Variants in STK3 observed in about 807,000 individuals in gnomAD.
STK3 encodes serine/threonine-protein kinase 3.
Under a neutral mutation model 58.0 loss-of-function variants are expected in STK3, and 41 were observed. The observed-to-expected ratio is 0.71, with a 90% CI of 0.55 to 0.92. STK3 has a LOEUF of 0.92. Among genes scored for constraint, STK3 ranks in the 40% least tolerant of loss-of-function variants. STK3 has a pLI of 0.00. For synonymous variants in STK3, 170 were observed against 191.0 expected (o/e 0.89, Z 0.91); for missense variants, 479 against 602.7 (o/e 0.79, Z 2.15).
intron 7 of STK3, among the ~76,000 whole-genome samples, chr8:98,588,130 A>G (rs2131795965): frequency 6.6e-6 from 1 of 151,050 alleles, no homozygotes; most frequent in East Asian, 2.0e-4. Context: ...TGTGAATTTG[A>G]TCCTGTCATG....
chr8:98,539,177 G>C (rs1254300097), intron 9 of STK3, among the ~76,000 whole-genome samples: 1 of 152,074 alleles, frequency 6.6e-6, no homozygotes, highest in East Asian at 1.9e-4. Context: ...TACTCCTTTG[G>C]CTCAAGGCTG....
intron 3 of STK3, among the ~76,000 whole-genome samples, chr8:98,872,504 C>A (rs1271153927): frequency 6.6e-6 from 1 of 152,182 alleles, no homozygotes; most frequent in Non-Finnish European, 1.5e-5. Flanking sequence ...TTAATTATTG[C>A]CTCAATTTCA....
chr8:98,563,432 CATAT>C (rs1452687293), intron 8 of STK3, among the ~76,000 whole-genome samples: 1 of 152,078 alleles, frequency 6.6e-6, no homozygotes, highest in Non-Finnish European at 1.5e-5. Flanking sequence ...CACGTGCCTA[CATAT>C]ATAGTTATAA....
At chr8:98,707,955 A>G (rs1262483982) in intron 4 of STK3, among the ~76,000 whole-genome samples, 1 of 151,996 alleles carries the variant, frequency 6.6e-6, no homozygotes, top group Non-Finnish European at 1.5e-5. Context: ...CCTGGCCCAC[A>G]TGGTGAAACC....
In STK3 at chr8:98,706,707, T is replaced by TA. The variant is rs1007041721; in HGVS notation, c.517-74dup. On this transcript the variant is annotated intron_variant, in intron 5 of 10. Transcript: ENST00000419617. Reference sequence around the variant, plus strand: ...GAAATCTGTATGCCAAACATACTTTTAAAAAATGTTAAAACCTCCAATGCC... The same window carrying TA: ...GAAATCTGTATGCCAAACATACTTTTAAAAAAATGTTAAAACCTCCAATGCC... 9.4e-6 allele frequency: 13 copies of TA among 1,388,914 alleles called. No individual in the cohort carries two copies. In the Admixed American group the frequency reaches 3.2e-4, roughly 34 times the overall value. The allele number at this position is 1,388,914 out of a possible 1,614,324, so 86.0% of individuals were successfully genotyped here.
chr8:98,727,061 T>C (rs544385323), intron 4 of STK3, among the ~76,000 whole-genome samples: 42 of 152,320 alleles, frequency 2.8e-4, no homozygotes, highest in African/African-American at 9.6e-4. Context: ...ATATTCTGAT[T>C]TCCCTCTAGG....
intron 1 of STK3, among the ~76,000 whole-genome samples, chr8:98,775,127 G>A (rs905922636): frequency 6.6e-6 from 1 of 152,000 alleles, no homozygotes; most frequent in Non-Finnish European, 1.5e-5. Context: ...TATAAATATT[G>A]TCATGTTGTC....
At chr8:98,695,566 G>A (rs1343589240) in intron 6 of STK3, among the ~76,000 whole-genome samples, 3 of 152,084 alleles carry the variant, frequency 2.0e-5, no homozygotes, top group African/African-American at 7.2e-5. Flanking sequence ...TCTACATATG[G>A]CTAGCCAGTT....
At chr8:98,716,690 T>A (rs1376287141) in intron 4 of STK3, among the ~76,000 whole-genome samples, 1 of 152,174 alleles carries the variant, frequency 6.6e-6, no homozygotes, top group Non-Finnish European at 1.5e-5. Flanking sequence ...CTAAAATTTG[T>A]ATGAAATCTC....
chr8:98,765,162 T>C (rs745570054), intron 3 of STK3, among the ~76,000 whole-genome samples: 2 of 152,174 alleles, frequency 1.3e-5, no homozygotes, highest in African/African-American at 2.4e-5. Context: ...AATAACAAAA[T>C]AATACTCGCA....
At chr8:98,580,362 A>G (rs1418531975) in intron 7 of STK3, among the ~76,000 whole-genome samples, 1 of 152,204 alleles carries the variant, frequency 6.6e-6, no homozygotes, top group East Asian at 1.9e-4. Flanking sequence ...TTTAAAAAAT[A>G]TCACCCTGAT....
chr8:98,713,271 A>C (rs1378536031), intron 4 of STK3, among the ~76,000 whole-genome samples: 2 of 152,220 alleles, frequency 1.3e-5, no homozygotes, highest in African/African-American at 4.8e-5. Flanking sequence ...AGAAGGCAAG[A>C]AATAACTAAG....
intron 10 of STK3, among the ~76,000 whole-genome samples, chr8:98,480,867 T>C (rs1324254881): frequency 2.6e-5 from 4 of 152,220 alleles, no homozygotes; most frequent in African/African-American, 9.7e-5. Flanking sequence ...CATAGACATA[T>C]ACATACACAC....
chr8:98,888,993 A>G (rs1351211981), intron 1 of STK3, among the ~76,000 whole-genome samples: 1 of 152,202 alleles, frequency 6.6e-6, no homozygotes, highest in Non-Finnish European at 1.5e-5. Flanking sequence ...AAAGTTCCCA[A>G]GAGCAGAATT....
chr8:98,489,832 C>CT (rs948154224), intron 10 of STK3, among the ~76,000 whole-genome samples: 7 of 151,810 alleles, frequency 4.6e-5, no homozygotes, highest in East Asian at 1.9e-4. Flanking sequence ...CACATTATTT[C>CT]TTTTTTTTAC....
At chr8:98,427,927 T>A in intron 3 of STK3, 1 of 1,418,656 alleles carries the variant, frequency 7.0e-7, no homozygotes. Flanking sequence ...CGCTGTTCCC[T>A]CCGCTTCCAG....
intron 7 of STK3, among the ~76,000 whole-genome samples, chr8:98,586,047 G>T (rs1348514727): frequency 2.0e-5 from 3 of 152,132 alleles, no homozygotes; most frequent in Admixed American, 2.0e-4. Flanking sequence ...AGCAGACAGG[G>T]ACAATTTGAC....
intron 6 of STK3, among the ~76,000 whole-genome samples, chr8:98,664,586 G>A (rs1055728874): frequency 2.6e-5 from 4 of 152,056 alleles, no homozygotes; most frequent in East Asian, 1.9e-4. Flanking sequence ...GCCCAACTTC[G>A]TTTGGTTTGG....
chr8:98,380,419 T>A (rs1817720378), intron 1 of STK3, among the ~76,000 whole-genome samples: 2 of 152,328 alleles, frequency 1.3e-5, no homozygotes, highest in South Asian at 2.1e-4. Context: ...TATAAACTTT[T>A]AAAAAATCCT....
Sources: gnomAD v4.1 joint callset for allele counts (sites outside exome capture counted in the v4.1 genomes callset) on GRCh38, gnomAD v4.1.1 for gene constraint, MANE v1.5 for transcripts, NCBI Gene and HGNC (gene_info 2026-07-23, HGNC 2026-07-21) for gene names.